Variants in SNX27 observed in about 807,000 individuals in gnomAD.
SNX27 encodes sorting nexin 27, also known as sorting nexin-27.
SNX27 carries 22 observed loss-of-function variants against 71.6 expected under a neutral mutation model. The ratio of observed to expected loss-of-function variants is 0.31; its 90% CI spans 0.22 to 0.44. The LOEUF (loss-of-function observed/expected upper bound fraction) is 0.44. Among genes scored for constraint, SNX27 ranks in the 20% least tolerant of loss-of-function variants. The pLI, the probability that SNX27 is intolerant of heterozygous loss-of-function variation, is 1.00. For synonymous variants in SNX27, 269 were observed against 277.2 expected (o/e 0.97, Z 0.29); for missense variants, 531 against 698.6 (o/e 0.76, Z 2.70).
Position 151,658,284 on chromosome 1 carries a change from G to A in SNX27, c.593G>A (p.Arg198Gln), listed in dbSNP as rs1473265478. The change falls in exon 3 of 12, where the codon CGG becomes CAG. Residue 198 changes from arginine to glutamine, a missense_variant. Coordinates refer to ENST00000458013, the MANE Select transcript of SNX27 (RefSeq NM_001330723.2). The stretch of plus-strand genomic sequence containing the variant: ...AGGCAGCTGTGTTCTAAGCGGTACC[G>A]GGAGTTTGCTATCCTACACCAGAAC... Reference protein sequence around the residue: ...AGRQLCSKRYREFAILHQNLK... With the variant: ...AGRQLCSKRYQEFAILHQNLK... 2 of 1,613,878 alleles carry A rather than the reference G, an allele frequency of 1.2e-6. No individual in the cohort carries two copies. Among genetic ancestry groups the A allele is most frequent in the Admixed American group, 1.7e-5 (1 of 59,976 alleles).
intron 7 of SNX27, among the ~76,000 whole-genome samples, chr1:151,680,835 C>A (rs1670912340): frequency 6.6e-6 from 1 of 152,128 alleles, no homozygotes; most frequent in Admixed American, 6.5e-5. Flanking sequence ...TTGGCTGGAG[C>A]AGTACAGTGT....
intron 8 of SNX27, among the ~76,000 whole-genome samples, chr1:151,685,839 A>T (rs1671173443): frequency 1.3e-5 from 2 of 152,236 alleles, no homozygotes; most frequent in African/African-American, 4.8e-5. Flanking sequence ...GAGCCACCTT[A>T]CCAATGTTCT....
intron 1 of SNX27, chr1:151,629,458 T>C (rs1403148120): frequency 2.8e-5 from 3 of 106,190 alleles, no homozygotes; most frequent in Admixed American, 1.1e-4. Context: ...CATGTATATA[T>C]ACGTATATAT....
At position 151,699,069 on chromosome 1, in the gene SNX27, A is replaced by C. The variant is rs373665472; in HGVS notation, c.*4652A>C. 6.6e-5 allele frequency: 10 copies of C among 152,638 alleles called. No individual in the cohort carries two copies. The highest frequency in any genetic ancestry group is 2.4e-4 in the African/African-American group (10 of 41,444). The allele number at this position is 152,638 out of a possible 1,614,324, so 9.5% of individuals were successfully genotyped here. On this transcript the variant is annotated 3_prime_UTR_variant, in exon 12 of 12. Coordinates refer to ENST00000458013, the MANE Select transcript of SNX27 (RefSeq NM_001330723.2). ...CATATTCTTTTAAATAAATTGATTT[A>C]TTGATCAAACACTTCTTTGGTTTCC...
chr1:151,683,963 G>A (rs1439607799), intron 8 of SNX27, among the ~76,000 whole-genome samples: 3 of 152,050 alleles, frequency 2.0e-5, no homozygotes, highest in Non-Finnish European at 1.5e-5. Flanking sequence ...CACTGAGCCT[G>A]GCCCATAATT....
intron 1 of SNX27, among the ~76,000 whole-genome samples, chr1:151,631,053 C>G (rs1361278539): frequency 2.0e-5 from 3 of 152,170 alleles, no homozygotes; most frequent in Non-Finnish European, 2.9e-5. Context: ...TATTCTTCCA[C>G]TTGTTTGCCT....
intron 7 of SNX27, chr1:151,676,417 C>T (rs758133969): frequency 2.0e-5 from 3 of 149,948 alleles, no homozygotes; most frequent in Non-Finnish European, 4.4e-5. Context: ...GTGAGCCTCC[C>T]ACCTCAGCCT....
intron 2 of SNX27, among the ~76,000 whole-genome samples, chr1:151,641,846 G>T (rs916598261): frequency 2.2e-5 from 3 of 135,146 alleles, no homozygotes; most frequent in Non-Finnish European, 3.1e-5. Flanking sequence ...ATATATATGA[G>T]ATATATATAT....
At chr1:151,622,270 C>A (rs1419619501) in intron 1 of SNX27, among the ~76,000 whole-genome samples, 1 of 152,014 alleles carries the variant, frequency 6.6e-6, no homozygotes, top group African/African-American at 2.4e-5. Context: ...CTGTTTTTTT[C>A]AGTTGTCATG....
intron 8 of SNX27, among the ~76,000 whole-genome samples, chr1:151,689,535 A>T (rs998053272): frequency 1.3e-5 from 2 of 152,262 alleles, no homozygotes; most frequent in Non-Finnish European, 2.9e-5. Flanking sequence ...GATCTATTAT[A>T]GTAAAAGTCC....
chr1:151,647,000 A>G (rs754503470), intron 2 of SNX27, among the ~76,000 whole-genome samples: 1 of 152,054 alleles, frequency 6.6e-6, no homozygotes, highest in Non-Finnish European at 1.5e-5. Context: ...TGACTTCTAT[A>G]TGTGTTATAA....
At chr1:151,691,763 C>T (rs1421197631) in intron 8 of SNX27, among the ~76,000 whole-genome samples, 2 of 152,078 alleles carry the variant, frequency 1.3e-5, no homozygotes, top group Non-Finnish European at 2.9e-5. Context: ...ATCCACCCGC[C>T]TCGGCCTCTC....
chr1:151,691,493 CAG>C (rs1202162729), intron 8 of SNX27, among the ~76,000 whole-genome samples: 1 of 130,382 alleles, frequency 7.7e-6, no homozygotes, highest in Non-Finnish European at 1.6e-5. Flanking sequence ...TTCCTTGAGA[CAG>C]AGTCTTGCTC....
In SNX27 at chr1:151,693,702, T is replaced by C. The variant is rs1671570315; in HGVS notation, c.1578+219T>C. The C allele has an allele frequency of 3.1e-6, 5 of 1,610,082 alleles. No homozygotes were observed. The South Asian group carries it at 5.5e-5, about 18-fold the overall frequency. ...CAAAAAAGCCCTGCTTCTTCCCTTG[T>C]CTAGAGGGTGGACATTGGCTACAGG... On this transcript the variant is annotated intron_variant, in intron 11 of 11. Coordinates refer to ENST00000458013, the MANE Select transcript of SNX27 (RefSeq NM_001330723.2).
intron 7 of SNX27, among the ~76,000 whole-genome samples, chr1:151,681,233 A>ATTTTT (rs1558071789): frequency 1.0e-4 from 9 of 87,366 alleles, no homozygotes; most frequent in African/African-American, 4.0e-4. Context: ...TAGTCTCTCA[A>ATTTTT]TCTTTTTTTT....
intron 2 of SNX27, among the ~76,000 whole-genome samples, chr1:151,647,170 G>T: frequency 2.1e-5 from 3 of 141,922 alleles, no homozygotes; most frequent in South Asian, 2.2e-4. Flanking sequence ...TTGTTTTTGA[G>T]CTGGAGTTTT....
At chr1:151,676,975 C>T (rs985857312) in intron 7 of SNX27, 3 of 151,720 alleles carry the variant, frequency 2.0e-5, no homozygotes, top group Non-Finnish European at 4.4e-5. Context: ...CTATGTTTAG[C>T]ATCTCTCTGC....
At chr1:151,626,699 CTAAATAAA>C (rs71090202) in intron 1 of SNX27, among the ~76,000 whole-genome samples, 29,013 of 150,894 alleles carry the variant, frequency 0.19, 3,098 homozygotes, top group Middle Eastern at 0.33. Flanking sequence ...AAGACTCCGT[CTAAATAAA>C]TAAATAAATA....
intron 7 of SNX27, among the ~76,000 whole-genome samples, chr1:151,673,564 T>C (rs764572090): frequency 6.6e-6 from 1 of 152,200 alleles, no homozygotes; most frequent in Non-Finnish European, 1.5e-5. Context: ...GCAGATTAAG[T>C]CCATTGTATC....
Sources: allele counts gnomAD v4.1 joint callset (sites outside exome capture counted in the v4.1 genomes callset), GRCh38; gene constraint gnomAD v4.1.1; transcripts MANE v1.5; gene names NCBI Gene and HGNC (gene_info 2026-07-23, HGNC 2026-07-21).